PDZD2: variants seen among roughly 807,000 people sequenced by gnomAD.
PDZD2 encodes the protein PDZ domain-containing protein 2.
A neutral mutation model predicts 220.7 loss-of-function variants in PDZD2; 90 were observed. The ratio of observed to expected loss-of-function variants is 0.41; its 90% confidence interval spans 0.34 to 0.49. PDZD2 has a LOEUF of 0.49. Ranked by LOEUF, PDZD2 falls within the 20% of genes least tolerant of loss-of-function variation. The pLI, the probability that PDZD2 is intolerant of heterozygous loss-of-function variation, is 0.28. For synonymous variants in PDZD2, 1,375 were observed against 1,450.5 expected (o/e 0.95, Z 1.18); for missense variants, 3,174 against 3,608.5 (o/e 0.88, Z 3.08).
At chr5:31,737,010 C>T (rs1225986543) in intron 1 of PDZD2, among the ~76,000 whole-genome samples, 1 of 151,892 alleles carries the variant, frequency 6.6e-6, no homozygotes, top group Non-Finnish European at 1.5e-5. Context: ...TCCTATACAG[C>T]CTGCAGAATC....
intron 3 of PDZD2, among the ~76,000 whole-genome samples, chr5:31,992,629 T>A (rs1581230303): frequency 6.6e-6 from 1 of 152,192 alleles, no homozygotes; most frequent in East Asian, 1.9e-4. Flanking sequence ...AAAAGAATGG[T>A]GGTGTAAACT....
Position 32,074,181 on chromosome 5 carries a change from G to C in PDZD2, c.3075G>C (p.Leu1025=). 3 of 1,614,176 alleles carry C rather than the reference G, an allele frequency of 1.9e-6. No homozygotes were observed. Among genetic ancestry groups the C allele is most frequent in the Non-Finnish European group, 2.5e-6 (3 of 1,180,026 alleles). The stretch of plus-strand genomic sequence containing the variant: ...AAGAGGAACGACCCCGGAAAACACT[G>C]GTGAGCAAGGCCATCTCGGCACCTC... ...HNQEERPRKT[L]VSKAISAPLL... is the part of the protein sequence containing the mutation. Residue 1025 remains leucine (L), a synonymous_variant, in exon 18 of 25, where the codon CTG becomes CTC. Transcript: ENST00000438447.
chr5:32,034,247 T>C (rs566731407), intron 6 of PDZD2, among the ~76,000 whole-genome samples: 6 of 152,200 alleles, frequency 3.9e-5, no homozygotes, highest in African/African-American at 1.4e-4. Flanking sequence ...TGTAATAAGC[T>C]ACCCATTTAG....
intron 2 of PDZD2, among the ~76,000 whole-genome samples, chr5:31,842,367 G>T (rs1757361529): frequency 6.6e-6 from 1 of 152,184 alleles, no homozygotes; most frequent in Non-Finnish European, 1.5e-5. Flanking sequence ...AATCCAGGCT[G>T]GTAAAGGAGG....
At chr5:31,761,884 A>G (rs940248669) in intron 1 of PDZD2, among the ~76,000 whole-genome samples, 2 of 151,758 alleles carry the variant, frequency 1.3e-5, no homozygotes, top group Non-Finnish European at 2.9e-5. Context: ...AAGAGGGTTA[A>G]TTGGCTCACA....
chr5:31,923,019 G>A (rs1258762999), intron 2 of PDZD2, among the ~76,000 whole-genome samples: 7 of 151,752 alleles, frequency 4.6e-5, no homozygotes, highest in African/African-American at 7.3e-5. Context: ...CAGGCCGGGC[G>A]TGGTGGCTCA....
At chr5:31,879,253 G>A (rs1214411788) in intron 2 of PDZD2, among the ~76,000 whole-genome samples, 1 of 151,980 alleles carries the variant, frequency 6.6e-6, no homozygotes, top group African/African-American at 2.4e-5. Flanking sequence ...CGGGCGTGGT[G>A]GCGGGCGCCT....
intron 2 of PDZD2, among the ~76,000 whole-genome samples, chr5:31,821,661 G>T (rs1000261130): frequency 2.0e-5 from 3 of 152,162 alleles, no homozygotes; most frequent in Non-Finnish European, 4.4e-5. Context: ...TTACAGGCGT[G>T]AGCCACTGTG....
intron 2 of PDZD2, among the ~76,000 whole-genome samples, chr5:31,906,916 G>T (rs1211715215): frequency 5.3e-5 from 8 of 152,180 alleles, no homozygotes; most frequent in African/African-American, 1.9e-4. Context: ...TCCACCTTTG[G>T]ATGGGCTCAT....
At chr5:31,780,824 T>G (rs1285986726) in intron 1 of PDZD2, among the ~76,000 whole-genome samples, 1 of 152,190 alleles carries the variant, frequency 6.6e-6, no homozygotes, top group African/African-American at 2.4e-5. Flanking sequence ...AAGCTTCATT[T>G]AGGCTGGAGC....
intron 1 of PDZD2, among the ~76,000 whole-genome samples, chr5:31,645,175 C>T (rs1745088215): frequency 6.6e-6 from 1 of 152,140 alleles, no homozygotes; most frequent in Non-Finnish European, 1.5e-5. Flanking sequence ...GAGGAATAAA[C>T]TTAGCTCATT....
chr5:31,991,376 G>A (rs768007843), intron 3 of PDZD2, among the ~76,000 whole-genome samples: 13 of 152,104 alleles, frequency 8.5e-5, no homozygotes, highest in African/African-American at 1.2e-4. Flanking sequence ...CATCTATTTC[G>A]GAAGTAGACT....
At chr5:32,027,192 C>G (rs1449321094) in intron 6 of PDZD2, among the ~76,000 whole-genome samples, 1 of 152,188 alleles carries the variant, frequency 6.6e-6, no homozygotes, top group Non-Finnish European at 1.5e-5. Flanking sequence ...GCGTGAGCCA[C>G]CATGCCTGGC....
chr5:31,647,767 G>T (rs1009893661), intron 1 of PDZD2, among the ~76,000 whole-genome samples: 4 of 152,162 alleles, frequency 2.6e-5, no homozygotes, highest in African/African-American at 4.8e-5. Flanking sequence ...TGCAGGTTTT[G>T]GGATGTGGGT....
At chr5:31,818,009 A>C (rs1755581041) in intron 2 of PDZD2, among the ~76,000 whole-genome samples, 2 of 123,674 alleles carry the variant, frequency 1.6e-5, no homozygotes, top group East Asian at 2.2e-4. Flanking sequence ...TGTGTCTGTC[A>C]CTCAAGCTGG....
intron 2 of PDZD2, among the ~76,000 whole-genome samples, chr5:31,822,312 T>G (rs1431600266): frequency 6.8e-6 from 1 of 146,910 alleles, no homozygotes; most frequent in African/African-American, 2.6e-5. Flanking sequence ...CGTCTCACTT[T>G]GTCACCCAGG....
At chr5:31,933,323 A>T (rs571878147) in intron 2 of PDZD2, among the ~76,000 whole-genome samples, 91 of 152,292 alleles carry the variant, frequency 6.0e-4, no homozygotes, top group Non-Finnish European at 1.2e-3. Flanking sequence ...TTCTGTATCC[A>T]TTCATCCATC....
At chr5:31,722,183 A>G (rs1388489712) in intron 1 of PDZD2, among the ~76,000 whole-genome samples, 1 of 152,162 alleles carries the variant, frequency 6.6e-6, no homozygotes, top group African/African-American at 2.4e-5. Flanking sequence ...TTTTGCATAA[A>G]ACTTTCCAGT....
intron 20 of PDZD2, 83 bp downstream of exon 20, chr5:32,091,258 A>C: frequency 1.1e-6 from 1 of 903,716 alleles, no homozygotes; most frequent in Non-Finnish European, 1.6e-6. Flanking sequence ...AGTTGCAAAG[A>C]TAATGCAGAG....
Sources: gnomAD v4.1 joint callset for allele counts (sites outside exome capture counted in the v4.1 genomes callset) on GRCh38, gnomAD v4.1.1 for gene constraint, MANE v1.5 for transcripts, NCBI Gene and HGNC (gene_info 2026-07-23, HGNC 2026-07-21) for gene names.